Variants in WASHC2A observed in about 807,000 individuals in gnomAD.
WASHC2A encodes WASH complex subunit FAM21A.
A neutral mutation model predicts 140.3 loss-of-function variants in WASHC2A; 82 were observed. The observed-to-expected ratio is 0.58, with a 90% CI of 0.49 to 0.70. WASHC2A has a LOEUF of 0.70. WASHC2A is among the 30% of genes least tolerant of loss of function. WASHC2A has a pLI of 0.00. For missense variants in WASHC2A, 985 were observed against 1,521.8 expected, an observed-to-expected ratio of 0.65 and a Z score of 5.87; for synonymous variants, 340 against 560.8, an observed-to-expected ratio of 0.61 and a Z score of 5.56.
chr10:50,114,506 T>G (rs181294422), intron 21 of WASHC2A, among the ~76,000 whole-genome samples: 23,685 of 125,782 alleles, frequency 0.19, 3,005 homozygotes, highest in East Asian at 0.61. Context: ...TGGAGCTTAT[T>G]GGGATGAAAA....
At position 50,091,533 on chromosome 10, in the gene WASHC2A, C is replaced by A. The variant is rs1316825266; in HGVS notation, c.931+15C>A. 1.3e-6 allele frequency: 2 copies of A among 1,549,608 alleles called. No individual in the cohort carries two copies. The highest frequency in any genetic ancestry group is 8.7e-7 in the Non-Finnish European group (1 of 1,146,838). ...GGAGCCGACAAGTGAGCCCCAGCCG[C>A]GTTGATGGGGAGTAGGGGGGGAGTA... On this transcript the variant is annotated intron_variant, in intron 10 of 30. Coordinates refer to ENST00000282633, the MANE Select transcript of WASHC2A (RefSeq NM_001005751.3).
intron 13 of WASHC2A, 98 bp from the exon 14 acceptor site, chr10:50,095,050 A>G: frequency 1.3e-6 from 2 of 1,599,238 alleles, no homozygotes; most frequent in South Asian, 1.1e-5. Context: ...AAAAGGTCTG[A>G]TACTAGCTGT....
chr10:50,091,019 ATG>A (rs1358830137), intron 9 of WASHC2A, 133 bp downstream of exon 9: 2 of 1,000,726 alleles, frequency 2.0e-6, no homozygotes, highest in African/African-American at 3.3e-5. Flanking sequence ...TTGGAAAATA[ATG>A]GCAAGCATCT....
chr10:50,130,117 A>G, intron 29 of WASHC2A, 78 bp downstream of exon 29: 3 of 1,593,852 alleles, frequency 1.9e-6, no homozygotes, highest in Non-Finnish European at 2.6e-6. Flanking sequence ...GCCATAGATT[A>G]TGTCTAGCTT....
intron 28 of WASHC2A, among the ~76,000 whole-genome samples, chr10:50,128,476 A>G (rs1364560781): frequency 6.6e-6 from 1 of 152,102 alleles, no homozygotes; most frequent in African/African-American, 2.4e-5. Flanking sequence ...TTTTCCTTTC[A>G]TTGTAGTTGG....
intron 3 of WASHC2A, among the ~76,000 whole-genome samples, chr10:50,071,522 A>G (rs1837813467): frequency 6.6e-6 from 1 of 151,808 alleles, no homozygotes; most frequent in South Asian, 2.1e-4. Flanking sequence ...AGCCAGGATG[A>G]TCTCGATCTC....
At chr10:50,109,133 C>T (rs1842045630) in intron 19 of WASHC2A, among the ~76,000 whole-genome samples, 1 of 152,090 alleles carries the variant, frequency 6.6e-6, no homozygotes, top group Non-Finnish European at 1.5e-5. Flanking sequence ...AGGCGCGGGG[C>T]CTGAAATTCT....
chr10:50,133,501 A>G lies in WASHC2A; in HGVS notation c.*556A>G. On this transcript the variant is annotated 3_prime_UTR_variant, in exon 31 of 31. Transcript: ENST00000282633. ...TTTGTTAATAAAATTTTATTGGAAC[A>G]CAACCACATTCATTTGTTTACTTAC... The G allele has an allele frequency of 2.1e-6, 1 of 469,176 alleles. No individual in the cohort carries two copies. 29.1% of individuals were successfully genotyped at this position (469,176 alleles called of 1,614,324 possible). A position where few individuals can be genotyped will look rare whatever the true frequency, so the allele number is the denominator to read the frequency against.
At chr10:50,087,754 A>G (rs1484574285) in intron 8 of WASHC2A, among the ~76,000 whole-genome samples, 4 of 152,188 alleles carry the variant, frequency 2.6e-5, no homozygotes, top group African/African-American at 9.7e-5. Context: ...TATTCTTTTC[A>G]TAGTGTGCAT....
intron 20 of WASHC2A, among the ~76,000 whole-genome samples, chr10:50,113,457 G>A (rs1554891036): frequency 2.6e-5 from 4 of 152,020 alleles, no homozygotes; most frequent in African/African-American, 4.8e-5. Context: ...ATAGAAGCCA[G>A]GCACAGGGTC....
rs1554885101 is a variant in WASHC2A, at chr10:50,097,685, A to G, written c.1431A>G (p.Gln477=). The G allele has an allele frequency of 3.1e-6, 5 of 1,595,586 alleles. No individual in the cohort carries two copies. Among genetic ancestry groups the G allele is most frequent in the East Asian group, 4.5e-5 (2 of 44,572 alleles). Residue 477 remains glutamine, a synonymous_variant, in exon 16 of 31, where the codon CAA becomes CAG. Transcript: ENST00000282633. The part of the protein sequence containing the change: ...HSKPSKTGKV[Q]STADIFGDEE... Reference sequence around the variant, plus strand: ...TGGTATTTTTTACAGGCAAAGTCCAATCCACTGCCGATATCTTTGGTGACG... The same window carrying G: ...TGGTATTTTTTACAGGCAAAGTCCAGTCCACTGCCGATATCTTTGGTGACG...
Position 50,133,292 on chromosome 10 carries a change from A to C in WASHC2A, c.*347A>C, listed in dbSNP as rs967873653. 3 of 537,206 alleles carry C rather than the reference A, an allele frequency of 5.6e-6. No homozygotes were observed. Among genetic ancestry groups the C allele is most frequent in the African/African-American group, 3.8e-5 (2 of 52,462 alleles). 33.3% of individuals were successfully genotyped at this position (537,206 alleles called of 1,614,324 possible). ...GAGATAGCAAATGCCACCTGACCAG[A>C]AGTCTTTGTTATATGGATGGGAACC... On this transcript the variant is annotated 3_prime_UTR_variant, in exon 31 of 31. Transcript: ENST00000282633.
intron 7 of WASHC2A, among the ~76,000 whole-genome samples, chr10:50,086,016 T>G (rs1554880939): frequency 1.4e-5 from 2 of 147,414 alleles, no homozygotes; most frequent in Non-Finnish European, 3.0e-5. Context: ...CCGCTAGCGC[T>G]TTCATATCCA....
chr10:50,132,993 A>G lies in WASHC2A; in HGVS notation c.*48A>G. 2 of 1,611,864 alleles carry G rather than the reference A, an allele frequency of 1.2e-6. No homozygotes were observed. The highest frequency in any genetic ancestry group is 1.7e-6 in the Non-Finnish European group (2 of 1,179,730). On this transcript the variant is annotated 3_prime_UTR_variant, in exon 31 of 31. Transcript: ENST00000282633. ...TACCCTGCAGCTACATTGTTGAGTT[A>G]GTGATGATGTTGTATATGCTGATGG... is the stretch of plus-strand genomic sequence containing the variant.
rs1589299735 is a variant in WASHC2A at position 50,132,997 on chromosome 10, A to C, written c.*52A>C. The stretch of plus-strand genomic sequence containing the variant: ...CTGCAGCTACATTGTTGAGTTAGTG[A>C]TGATGTTGTATATGCTGATGGTCTT... On this transcript the variant is annotated 3_prime_UTR_variant, in exon 31 of 31. Transcript: ENST00000282633. 1.2e-6 allele frequency: 2 copies of C among 1,611,868 alleles called. No individual in the cohort carries two copies. The highest frequency in any genetic ancestry group is 1.3e-5 in the African/African-American group (1 of 74,994).
intron 29 of WASHC2A, among the ~76,000 whole-genome samples, 199 bp downstream of exon 29, chr10:50,130,238 T>C (rs1422273150): frequency 0.27 from 39,726 of 144,762 alleles, 6,325 homozygotes; most frequent in Middle Eastern, 0.4. Context: ...ATGTAGATTG[T>C]ATTTCTTGGC....
At chr10:50,091,336 T>A in intron 9 of WASHC2A, 95 bp from the exon 10 acceptor site, 3 of 1,425,654 alleles carry the variant, frequency 2.1e-6, no homozygotes. Context: ...CAGTTCAATT[T>A]CTTTGCTCTT....
intron 18 of WASHC2A, among the ~76,000 whole-genome samples, chr10:50,106,082 A>T (rs1277044512): frequency 6.6e-6 from 1 of 150,696 alleles, no homozygotes; most frequent in Non-Finnish European, 1.5e-5. Flanking sequence ...TCATGATCTC[A>T]TTTGCATGTT....
chr10:50,068,542 C>G lies in WASHC2A; in HGVS notation c.126+315C>G, dbSNP rs532705440. Among the ~76,000 whole-genome samples, 3 of 151,300 alleles carry G rather than the reference C, an allele frequency of 2.0e-5. No homozygotes were observed. In the East Asian group the frequency reaches 5.8e-4, roughly 29 times the overall value. Reference sequence around the variant, plus strand: ...CTAGGGAGGCGATTCCTGTTGGGACCTGGACTAAATGGGGTGGGAAACAAG... The same window carrying G: ...CTAGGGAGGCGATTCCTGTTGGGACGTGGACTAAATGGGGTGGGAAACAAG... On this transcript the variant is annotated intron_variant, in intron 2 of 30. Coordinates refer to ENST00000282633, the MANE Select transcript of WASHC2A (RefSeq NM_001005751.3).
Sources: allele counts gnomAD v4.1 joint callset (sites outside exome capture counted in the v4.1 genomes callset), GRCh38; gene constraint gnomAD v4.1.1; transcripts MANE v1.5; gene names NCBI Gene and HGNC (gene_info 2026-07-23, HGNC 2026-07-21).